NBEA: variants seen among roughly 807,000 people sequenced by gnomAD.
NBEA encodes the protein neurobeachin, also known as lysosomal-trafficking regulator 2.
NBEA carries 44 observed loss-of-function variants against 343.4 expected under a neutral mutation model. That is an observed-to-expected ratio of 0.13 (90% CI 0.10 to 0.16). NBEA has a LOEUF of 0.16. Among genes scored for constraint, NBEA ranks in the 10% least tolerant of loss-of-function variants. The pLI is 1.00. For missense variants in NBEA, 2,555 were observed against 3,631.3 expected (o/e 0.70, Z 7.62); for synonymous variants, 1,175 against 1,238.7 (o/e 0.95, Z 1.08).
At chr13:35,471,211 C>A (rs1286217879) in intron 40 of NBEA, among the ~76,000 whole-genome samples, 1 of 152,276 alleles carries the variant, frequency 6.6e-6, no homozygotes, top group East Asian at 1.9e-4. Flanking sequence ...TTGTGCAGGA[C>A]GGTCGCAGAT....
chr13:35,668,656 A>C (rs936539495), intron 58 of NBEA, 137 bp downstream of exon 58: 3 of 863,362 alleles, frequency 3.5e-6, no homozygotes, highest in Non-Finnish European at 5.0e-6. Flanking sequence ...AAAGGGGAAA[A>C]TGAGGGGAAG....
chr13:35,277,459 C>T (rs140144849), intron 34 of NBEA, among the ~76,000 whole-genome samples: 13,459 of 150,748 alleles, frequency 0.089, 613 homozygotes, highest in South Asian at 0.12. Flanking sequence ...CTGTCTCTAC[C>T]AAAAATACAA....
intron 41 of NBEA, among the ~76,000 whole-genome samples, chr13:35,520,644 A>C (rs756445884): frequency 6.6e-6 from 1 of 152,048 alleles, no homozygotes; most frequent in Non-Finnish European, 1.5e-5. Context: ...CTTTTTTCCA[A>C]CTAGCTTCAG....
At chr13:35,252,031 A>G (rs2032036030) in intron 34 of NBEA, among the ~76,000 whole-genome samples, 1 of 152,142 alleles carries the variant, frequency 6.6e-6, no homozygotes, top group African/African-American at 2.4e-5. Context: ...TCTCACATCC[A>G]TCTACTTTTT....
At chr13:35,587,619 A>G (rs12428013) in intron 46 of NBEA, among the ~76,000 whole-genome samples, 16,420 of 152,156 alleles carry the variant, frequency 0.11, 1,092 homozygotes, top group African/African-American at 0.19. Context: ...ATAAAGTGGT[A>G]TTCACTGTTT....
At chr13:35,123,379 G>C (rs2152676856) in intron 16 of NBEA, 103 bp from the exon 17 acceptor site, 2 of 542,334 alleles carry the variant, frequency 3.7e-6, no homozygotes, top group East Asian at 7.0e-5. Flanking sequence ...AAAATCTTCA[G>C]AGTTTTATAT....
chr13:35,042,751 G>T (rs1460155962), intron 2 of NBEA, among the ~76,000 whole-genome samples: 2 of 151,660 alleles, frequency 1.3e-5, no homozygotes, highest in African/African-American at 4.8e-5. Context: ...ATGATGGAAG[G>T]ATATGAGAAA....
intron 44 of NBEA, among the ~76,000 whole-genome samples, chr13:35,563,138 GATAGATAGATAGATAGAT>G: frequency 7.6e-6 from 1 of 132,134 alleles, no homozygotes; most frequent in South Asian, 2.4e-4. Context: ...TGTGGAGATA[GATAGATAGATAGATAGAT>G]AGATAGATAG....
At chr13:35,048,107 T>G (rs889355351) in intron 4 of NBEA, among the ~76,000 whole-genome samples, 5 of 151,504 alleles carry the variant, frequency 3.3e-5, no homozygotes, top group Non-Finnish European at 5.9e-5. Context: ...TATCTCTTAA[T>G]GCTTGCATTT....
intron 40 of NBEA, among the ~76,000 whole-genome samples, chr13:35,458,885 TA>T (rs1354757147): frequency 6.6e-6 from 1 of 152,154 alleles, no homozygotes; most frequent in Non-Finnish European, 1.5e-5. Context: ...GCTACTTTGA[TA>T]TTTTTTAAGT....
chr13:34,992,260 ATAT>A lies in NBEA; in HGVS notation c.295-48671_295-48669del, dbSNP rs1267895469. ...TGTGTATATATATATATATATATAT[ATAT>A]TTTTTTTTTTAGACAGAGTCTAGCT... is the stretch of plus-strand genomic sequence containing the variant. On this transcript the variant is annotated intron_variant, in intron 1 of 58. Coordinates refer to ENST00000379939, the MANE Select transcript of NBEA (RefSeq NM_001385012.1). Among the ~76,000 whole-genome samples, 506 of 132,360 alleles carry A rather than the reference ATAT, an allele frequency of 3.8e-3. 4 individuals carry two copies. Among genetic ancestry groups the A allele is most frequent in the African/African-American group, 0.014 (469 of 33,054 alleles). The allele number at this position is 132,360 out of a possible 152,430, so 86.8% of individuals were successfully genotyped here. A position where few individuals can be genotyped will look rare whatever the true frequency, so the allele number is the denominator to read the frequency against.
rs1284432852 is a variant in NBEA, at chr13:34,942,740, G to C, written c.-81G>C. 1.7e-6 allele frequency: 2 copies of C among 1,174,474 alleles called. No homozygotes were observed. Among genetic ancestry groups the C allele is most frequent in the South Asian group, 3.7e-5 (1 of 27,216 alleles). The allele number at this position is 1,174,474 out of a possible 1,614,324, so 72.8% of individuals were successfully genotyped here. On this transcript the variant is annotated 5_prime_UTR_variant, in exon 1 of 59. Coordinates refer to ENST00000379939, the MANE Select transcript of NBEA (RefSeq NM_001385012.1). Reference sequence around the variant, plus strand: ...TGCTGGGGCTCCGAGGCGACGGCCGGGGGGCGGGGGCCGAGGCAGGTATAA... The same window carrying C: ...TGCTGGGGCTCCGAGGCGACGGCCGCGGGGCGGGGGCCGAGGCAGGTATAA...
At chr13:35,160,159 T>A (rs2069455894) in intron 22 of NBEA, 127 bp downstream of exon 22, 4 of 887,898 alleles carry the variant, frequency 4.5e-6, no homozygotes, top group Non-Finnish European at 6.6e-6. Context: ...TAGTAATTTA[T>A]GGAACTAAAT....
chr13:35,422,259 T>A (rs2044332963), intron 38 of NBEA, among the ~76,000 whole-genome samples: 1 of 150,948 alleles, frequency 6.6e-6, no homozygotes, highest in Admixed American at 6.6e-5. Flanking sequence ...TAACTCGTCA[T>A]TTAGCATCAG....
intron 39 of NBEA, among the ~76,000 whole-genome samples, chr13:35,444,723 A>G (rs2045907723): frequency 6.6e-6 from 1 of 152,058 alleles, no homozygotes; most frequent in South Asian, 2.1e-4. Context: ...TAAATGCATT[A>G]TCTCTTCTTG....
chr13:35,571,754 A>G (rs2080435431), intron 45 of NBEA, among the ~76,000 whole-genome samples: 1 of 152,122 alleles, frequency 6.6e-6, no homozygotes, highest in Admixed American at 6.5e-5. Context: ...AAATATTTTA[A>G]TTCAATAAAT....
chr13:35,471,876 TATTAG>T (rs66641848), intron 40 of NBEA, among the ~76,000 whole-genome samples: 16,154 of 152,192 alleles, frequency 0.11, 1,029 homozygotes, highest in East Asian at 0.32. Context: ...AGGAGACCGA[TATTAG>T]ATTAATCTTC....
chr13:35,585,094 C>A (rs2081238184), intron 46 of NBEA, among the ~76,000 whole-genome samples: 1 of 122,048 alleles, frequency 8.2e-6, no homozygotes, highest in South Asian at 2.8e-4. Context: ...TTTTCTCTTT[C>A]TCCTAGGACA....
chr13:35,579,547 G>A (rs1319265041), intron 45 of NBEA, among the ~76,000 whole-genome samples: 1 of 152,052 alleles, frequency 6.6e-6, no homozygotes, highest in Non-Finnish European at 1.5e-5. Flanking sequence ...GAAAAAGTTA[G>A]CATGCAGAAA....
Sources: allele counts gnomAD v4.1 joint callset (sites outside exome capture counted in the v4.1 genomes callset), GRCh38; gene constraint gnomAD v4.1.1; transcripts MANE v1.5; gene names NCBI Gene and HGNC (gene_info 2026-07-23, HGNC 2026-07-21).